Variants in HNF4G observed in about 807,000 individuals in gnomAD.
HNF4G encodes hepatocyte nuclear factor 4-gamma.
A neutral mutation model predicts 50.9 loss-of-function variants in HNF4G; 21 were observed. The ratio of observed to expected loss-of-function variants is 0.41; its 90% CI spans 0.29 to 0.59. The LOEUF (loss-of-function observed/expected upper bound fraction) is 0.59. Among genes scored for constraint, HNF4G ranks in the 20% least tolerant of loss-of-function variants. The probability of loss-of-function intolerance (pLI) is 0.26; values close to 1 mark genes in which losing one functional copy is unlikely to be tolerated. For missense variants in HNF4G, 527 were observed against 559.4 expected (o/e 0.94, Z 0.58); for synonymous variants, 198 against 185.6 (o/e 1.07, Z -0.54).
chr8:75,551,530 T>C lies in HNF4G; in HGVS notation c.489+36T>C, dbSNP rs377718595. ...CACGGCAGCATCAAACCCTATTTAA[T>C]AAAATCAAATGTCCATGTAGGCATC... On this transcript the variant is annotated intron_variant, in intron 4 of 9. Coordinates refer to ENST00000396423, the MANE Select transcript of HNF4G (RefSeq NM_004133.5). 2.5e-6 allele frequency: 3 copies of C among 1,203,520 alleles called. No homozygotes were observed. The African/African-American group carries it at 4.5e-5, about 18-fold the overall frequency. The allele number at this position is 1,203,520 out of a possible 1,614,324, so 74.6% of individuals were successfully genotyped here. A position where few individuals can be genotyped will look rare whatever the true frequency, so the allele number is the denominator to read the frequency against.
Position 75,547,584 on chromosome 8 carries a change from T to C in HNF4G, c.288-3T>C, listed in dbSNP as rs751154331. On this transcript the variant is annotated splice_polypyrimidine_tract_variant and splice_region_variant and intron_variant, in intron 2 of 9. Transcript: ENST00000396423. ...TGCAAACTGATATATCTTTATGTTA[T>C]AGGTTCAGTCGGCAATGTGTTGTTG... 6.3e-7 allele frequency: 1 copy of C among 1,589,304 alleles called. No individual in the cohort carries two copies. Among genetic ancestry groups the C allele is most frequent in the African/African-American group, 1.3e-5 (1 of 74,342 alleles).
At chr8:75,482,744 A>G (rs1422791975) in intron 1 of HNF4G, among the ~76,000 whole-genome samples, 2 of 152,162 alleles carry the variant, frequency 1.3e-5, no homozygotes, top group Non-Finnish European at 2.9e-5. Flanking sequence ...TGACAAGTTT[A>G]TATTCTTTTA....
chr8:75,486,866 G>T (rs35468060), intron 1 of HNF4G, among the ~76,000 whole-genome samples: 2 of 152,088 alleles, frequency 1.3e-5, no homozygotes, highest in African/African-American at 4.8e-5. Flanking sequence ...GCTGGGTGTG[G>T]TGGCATGTGC....
intron 1 of HNF4G, among the ~76,000 whole-genome samples, chr8:75,424,359 T>C (rs954265075): frequency 6.6e-6 from 1 of 152,224 alleles, no homozygotes; most frequent in Non-Finnish European, 1.5e-5. Context: ...TAATACAGCA[T>C]CTTAAATTTT....
chr8:75,508,642 T>C (rs1295066122), intron 2 of HNF4G, among the ~76,000 whole-genome samples: 1 of 152,146 alleles, frequency 6.6e-6, no homozygotes, highest in Admixed American at 6.5e-5. Context: ...AACTCAAGTA[T>C]TGACAATAAC....
rs368808035 is a variant in HNF4G, at chr8:75,466,636, C to CTCCCTTCCCT, written c.-143-23406_-143-23397dup. 4.7e-3 allele frequency among the ~76,000 whole-genome samples: 183 copies of CTCCCTTCCCT among 38,694 alleles called. 6 individuals are homozygous for CTCCCTTCCCT. Among genetic ancestry groups the CTCCCTTCCCT allele is most frequent in the South Asian group, 0.012 (10 of 844 alleles). 25.4% of individuals were successfully genotyped at this position (38,694 alleles called of 152,430 possible). A position where few individuals can be genotyped will look rare whatever the true frequency, so the allele number is the denominator to read the frequency against. On this transcript the variant is annotated intron_variant, in intron 1 of 10. Transcript: ENST00000354370. ...TCCTTCCTTCCTTCCTTCCTTCCTTCTCCCTTCCCTTCCCTTCCCTTCCCT... is the reference window on the plus strand; with the variant it reads ...TCCTTCCTTCCTTCCTTCCTTCCTTCTCCCTTCCCTTCCCTTCCCTTCCCTTCCCTTCCCT...
intron 1 of HNF4G, among the ~76,000 whole-genome samples, chr8:75,470,991 C>CTGA (rs1417550537): frequency 6.6e-6 from 1 of 152,150 alleles, no homozygotes; most frequent in African/African-American, 2.4e-5. Flanking sequence ...ATCACTCATA[C>CTGA]ATTCAGTGAG....
chr8:75,549,659 G>A (rs191067908), intron 3 of HNF4G, among the ~76,000 whole-genome samples: 128 of 150,092 alleles, frequency 8.5e-4, no homozygotes, highest in African/African-American at 3.0e-3. Context: ...TGCACAACAT[G>A]CAGGCTAGTT....
At chr8:75,468,786 G>T (rs376705942) in intron 1 of HNF4G, among the ~76,000 whole-genome samples, 2 of 151,836 alleles carry the variant, frequency 1.3e-5, no homozygotes, top group Non-Finnish European at 2.9e-5. Flanking sequence ...CTCATTAACC[G>T]TTCCTTCCTA....
intron 1 of HNF4G, among the ~76,000 whole-genome samples, chr8:75,418,478 G>A (rs747987296): frequency 1.3e-5 from 2 of 151,980 alleles, no homozygotes; most frequent in Admixed American, 6.6e-5. Flanking sequence ...AAATCAACTC[G>A]GTTCAAACAT....
At chr8:75,507,616 A>G (rs1470853219) in intron 2 of HNF4G, among the ~76,000 whole-genome samples, 1 of 152,320 alleles carries the variant, frequency 6.6e-6, no homozygotes, top group East Asian at 1.9e-4. Context: ...TTCATTTGCA[A>G]TCAAAGCTTA....
At chr8:75,508,997 G>A (rs1476247258) in intron 2 of HNF4G, among the ~76,000 whole-genome samples, 1 of 152,138 alleles carries the variant, frequency 6.6e-6, no homozygotes, top group East Asian at 1.9e-4. Flanking sequence ...AGGCCTGAGA[G>A]TCTGGTTAGG....
At chr8:75,511,532 G>A (rs557191573) in intron 2 of HNF4G, among the ~76,000 whole-genome samples, 1 of 152,336 alleles carries the variant, frequency 6.6e-6, no homozygotes, top group East Asian at 1.9e-4. Context: ...ATTAACTTAA[G>A]CAGTGTTGAC....
intron 6 of HNF4G, 66 bp downstream of exon 6, chr8:75,556,135 G>T: frequency 1.2e-6 from 1 of 828,140 alleles, no homozygotes; most frequent in South Asian, 1.9e-5. Flanking sequence ...ATTATACAGG[G>T]TCTGTTCTGT....
At chr8:75,557,220 C>G (rs776882086) in intron 6 of HNF4G, among the ~76,000 whole-genome samples, 1 of 152,064 alleles carries the variant, frequency 6.6e-6, no homozygotes, top group Non-Finnish European at 1.5e-5. Flanking sequence ...GCTAACCTTT[C>G]ATAAAGAAAG....
rs78513085 is a variant in HNF4G at position 75,487,139 on chromosome 8, A to C, written c.-143-2950A>C. ...TAAATGCTTTAAAACTCATTTTGAC[A>C]ACCTTTATATTCCACTATAACAGTA... On this transcript the variant is annotated intron_variant, in intron 1 of 10. Transcript: ENST00000354370. Among the ~76,000 whole-genome samples the C allele has an allele frequency of 4.7e-3, 713 of 152,346 alleles. 3 individuals are homozygous for C. Among genetic ancestry groups the C allele is most frequent in the African/African-American group, 0.016 (680 of 41,584 alleles).
chr8:75,480,112 C>T (rs1036252410), intron 1 of HNF4G, among the ~76,000 whole-genome samples: 1 of 151,950 alleles, frequency 6.6e-6, no homozygotes, highest in African/African-American at 2.4e-5. Flanking sequence ...TATCTATGTG[C>T]TATACCTGGT....
rs913394746 is a variant in HNF4G at position 75,552,941 on chromosome 8, C to T, written c.490-101C>T. The T allele has an allele frequency of 5.9e-6, 4 of 676,630 alleles. No homozygotes were observed. In the Admixed American group the frequency reaches 9.2e-5, roughly 15 times the overall value. 41.9% of individuals were successfully genotyped at this position (676,630 alleles called of 1,614,324 possible). Reference sequence around the variant, plus strand: ...TCAAGATACTGTAACAACAATAGTGCCTACTTCTATGGCCTTTACTTATCA... The same window carrying T: ...TCAAGATACTGTAACAACAATAGTGTCTACTTCTATGGCCTTTACTTATCA... On this transcript the variant is annotated intron_variant, in intron 4 of 9. Coordinates refer to ENST00000396423, the MANE Select transcript of HNF4G (RefSeq NM_004133.5).
At chr8:75,476,706 T>C (rs1212226142) in intron 1 of HNF4G, among the ~76,000 whole-genome samples, 1 of 152,202 alleles carries the variant, frequency 6.6e-6, no homozygotes, top group East Asian at 1.9e-4. Context: ...TGTAATTTCC[T>C]GTGGGAACTA....
Sources: allele counts gnomAD v4.1 joint callset (sites outside exome capture counted in the v4.1 genomes callset), GRCh38; gene constraint gnomAD v4.1.1; transcripts MANE v1.5; gene names NCBI Gene and HGNC (gene_info 2026-07-23, HGNC 2026-07-21).